The following IFFO1 variants were observed in gnomAD, a reference collection of about 807,000 sequenced individuals.
IFFO1 encodes intermediate filament family orphan 1.
Under a neutral mutation model 59.6 loss-of-function variants are expected in IFFO1, and 42 were observed. That is an observed-to-expected ratio of 0.70 (90% confidence interval 0.55 to 0.91). IFFO1 has a LOEUF of 0.91. Ranked by LOEUF, IFFO1 falls within the 40% of genes least tolerant of loss-of-function variation. The pLI is 0.00. For missense variants in IFFO1, 711 were observed against 793.2 expected (o/e 0.90, Z 1.24); for synonymous variants, 336 against 342.8 (o/e 0.98, Z 0.22).
At position 6,548,799 on chromosome 12, in the gene IFFO1, C is replaced by T; in HGVS notation, c.1131G>A (p.Arg377=). The change falls in exon 6 of 10, where the codon CGG becomes CGA. Residue 377 remains arginine, a synonymous_variant. Transcript: ENST00000619571. This position sits in a 1 kb window ranked among gnomAD's most constrained non-coding sequence, Gnocchi z 6.1. ...CCTCCTCGACGGCAGCCTTGCGCTC[C>T]CGCTTCCGCCCCCCCATGGATGGGA... The part of the protein sequence containing the change: ...IKVPSMGGRK[R]ERKAAVEEDT... 6.2e-7 allele frequency: 1 copy of T among 1,613,612 alleles called. No homozygotes were observed. The highest frequency in any genetic ancestry group is 2.2e-5 in the East Asian group (1 of 44,866).
chr12:6,550,010 T>G, intron 3 of IFFO1, 114 bp from the exon 4 acceptor site: 1 of 1,180,990 alleles, frequency 8.5e-7, no homozygotes, highest in South Asian at 1.5e-5. Context: ...GCCTCTTCTG[T>G]GGAGTCTCCC....
intron 1 of IFFO1, among the ~76,000 whole-genome samples, chr12:6,553,263 A>T (rs1268624422): frequency 6.6e-6 from 1 of 152,234 alleles, no homozygotes; most frequent in African/African-American, 2.4e-5. Context: ...CGATGAGCTA[A>T]TCAGTCCCCA....
rs1404119366 is a variant in IFFO1 at position 6,548,482 on chromosome 12, C to A, written c.1326G>T (p.Leu442=). The part of the protein sequence containing the change: ...SLTWEETEET[L]LLWEDFSGYA... Reference sequence around the variant, plus strand: ...AGCCTGAGAAATCCTCCCAAAGCAGCAGGGTCTCCTCAGTCTCCTCCCAAG... The same window carrying A: ...AGCCTGAGAAATCCTCCCAAAGCAGAAGGGTCTCCTCAGTCTCCTCCCAAG... The change falls in exon 7 of 10, where the codon CTG becomes CTT. Residue 442 remains leucine, a synonymous_variant. Transcript: ENST00000619571. This position sits in a 1 kb window ranked among gnomAD's most constrained non-coding sequence, Gnocchi z 6.1. The A allele has an allele frequency of 6.2e-7, 1 of 1,613,926 alleles. No homozygotes were observed. The highest frequency in any genetic ancestry group is 1.7e-5 in the Admixed American group (1 of 59,984).
At chr12:6,545,726 C>G (rs1946930457) in intron 8 of IFFO1, among the ~76,000 whole-genome samples, 1 of 150,988 alleles carries the variant, frequency 6.6e-6, no homozygotes, top group Admixed American at 6.6e-5. Flanking sequence ...CTCACTCTAT[C>G]CAGACCAGGA....
rs76971321 is a variant in IFFO1, at chr12:6,548,179, C to A, written c.1384-19G>T. On this transcript the variant is annotated intron_variant, in intron 7 of 9. Transcript: ENST00000619571. The surrounding 1 kb of genome is among the most constrained non-coding windows in gnomAD (Gnocchi z 6.1). ...CCTGCTGCTGGAGTAGAAAGGGAAGCGGGGGAGGCCAGCCAAGGAGGGATG... is the reference window on the plus strand; with the variant it reads ...CCTGCTGCTGGAGTAGAAAGGGAAGAGGGGGAGGCCAGCCAAGGAGGGATG... 13 of 1,601,448 alleles carry A rather than the reference C, an allele frequency of 8.1e-6. No homozygotes were observed. The highest frequency in any genetic ancestry group is 1.7e-4 in the Middle Eastern group (1 of 6,056).
chr12:6,552,586 G>A (rs1429522615), intron 1 of IFFO1, among the ~76,000 whole-genome samples: 1 of 152,194 alleles, frequency 6.6e-6, no homozygotes, highest in East Asian at 1.9e-4. Context: ...TGCGCCGGGA[G>A]CCCACGAGTC....
intron 3 of IFFO1, 26 bp downstream of exon 3, chr12:6,550,669 C>T: frequency 1.9e-6 from 3 of 1,598,758 alleles, no homozygotes; most frequent in African/African-American, 1.3e-5. Flanking sequence ...CACTTCGACC[C>T]TCGGGAAGCC....
chr12:6,547,240 T>A (rs1947005396), intron 8 of IFFO1, among the ~76,000 whole-genome samples: 1 of 152,014 alleles, frequency 6.6e-6, no homozygotes, highest in Admixed American at 6.5e-5. Context: ...TGACACCCTG[T>A]TCTCTGTAAA....
Position 6,541,481 on chromosome 12 carries a change from G to T in IFFO1, c.1610+31C>A. On this transcript the variant is annotated intron_variant, in intron 9 of 9. Transcript: ENST00000619571. The surrounding 1 kb of genome is among the most constrained non-coding windows in gnomAD (Gnocchi z 4.8). ...ACCTTTCTCCCCGCTGTGTCCCCCTGGAAGGCCCCATGCCCAGGGGAGGCG... is the reference window on the plus strand; with the variant it reads ...ACCTTTCTCCCCGCTGTGTCCCCCTTGAAGGCCCCATGCCCAGGGGAGGCG... 6.2e-7 allele frequency: 1 copy of T among 1,611,072 alleles called. No individual in the cohort carries two copies.
In IFFO1 at chr12:6,555,206, G is replaced by C; in HGVS notation, c.773+51C>G. The C allele has an allele frequency of 6.3e-7, 1 of 1,581,564 alleles. No individual in the cohort carries two copies. Among genetic ancestry groups the C allele is most frequent in the Non-Finnish European group, 8.7e-7 (1 of 1,151,432 alleles). ...CGGAACCCACACCAACTCGCGGCCC[G>C]TTGTGAGTGGTATGACACAGAGAGA... On this transcript the variant is annotated intron_variant, in intron 1 of 9. Coordinates refer to ENST00000619571, the MANE Select transcript of IFFO1 (RefSeq NM_001193457.2). This position sits in a 1 kb window ranked among gnomAD's most constrained non-coding sequence, Gnocchi z 8.6.
At position 6,548,077 on chromosome 12, in the gene IFFO1, A is replaced by G. The variant is rs1300934846; in HGVS notation, c.1467T>C (p.Ile489=). The change falls in exon 8 of 10, where the codon ATT becomes ATC. Residue 489 remains isoleucine (I), a synonymous_variant. Transcript: ENST00000619571. The surrounding 1 kb of genome is among the most constrained non-coding windows in gnomAD (Gnocchi z 6.1). The stretch of plus-strand genomic sequence containing the variant: ...CTCCTGCCCTTACCTCTATCTGGTC[A>G]ATGGTCTCCTGATACTCCTTCTCCC... ...KTREKEYQET[I]DQIELELATA... 2.5e-6 allele frequency: 4 copies of G among 1,613,362 alleles called. No individual in the cohort carries two copies. The highest frequency in any genetic ancestry group is 1.3e-5 in the African/African-American group (1 of 74,886).
At chr12:6,552,425 T>C (rs1275084305) in intron 1 of IFFO1, among the ~76,000 whole-genome samples, 1 of 152,140 alleles carries the variant, frequency 6.6e-6, no homozygotes, top group Non-Finnish European at 1.5e-5. Context: ...CGTAGGTGCT[T>C]CTCCCCTCCT....
intron 1 of IFFO1, among the ~76,000 whole-genome samples, chr12:6,554,585 G>C (rs576991467): frequency 2.6e-5 from 4 of 152,264 alleles, no homozygotes; most frequent in Non-Finnish European, 5.9e-5. Flanking sequence ...TCAGTCCCCT[G>C]CTGGCTCTCC....
chr12:6,553,791 C>G (rs1947331219), intron 1 of IFFO1, among the ~76,000 whole-genome samples: 2 of 152,026 alleles, frequency 1.3e-5, no homozygotes, highest in African/African-American at 4.8e-5. Flanking sequence ...AGTCAAGGGT[C>G]TGTAGTCATG....
intron 8 of IFFO1, among the ~76,000 whole-genome samples, chr12:6,546,569 C>T (rs544739982): frequency 9.9e-5 from 15 of 152,270 alleles, no homozygotes; most frequent in Non-Finnish European, 1.3e-4. Context: ...CTGCAAGCTC[C>T]GCCTCCCGGG....
At position 6,540,349 on chromosome 12, in the gene IFFO1, G is replaced by C. The variant is rs1946641841; in HGVS notation, c.*134C>G. 1.3e-6 allele frequency: 1 copy of C among 744,650 alleles called. No individual in the cohort carries two copies. The highest frequency in any genetic ancestry group is 2.4e-6 in the Non-Finnish European group (1 of 423,210). 46.1% of individuals were successfully genotyped at this position (744,650 alleles called of 1,614,324 possible). ...GCCAAGACTGAGGGAGAAAGCCTGA[G>C]GGAGGAGCGCCCCAGTCCCCAGGGA... On this transcript the variant is annotated 3_prime_UTR_variant, in exon 10 of 10. Transcript: ENST00000619571.
chr12:6,555,307 G>C lies in IFFO1; in HGVS notation c.723C>G (p.Leu241=). 6.2e-6 allele frequency: 10 copies of C among 1,614,166 alleles called. No homozygotes were observed. Among genetic ancestry groups the C allele is most frequent in the Non-Finnish European group, 8.5e-6 (10 of 1,180,012 alleles). Residue 241 remains leucine, a synonymous_variant, in exon 1 of 10, where the codon CTC becomes CTG. Transcript: ENST00000619571. This position sits in a 1 kb window ranked among gnomAD's most constrained non-coding sequence, Gnocchi z 8.6. The stretch of plus-strand genomic sequence containing the variant: ...GCTTCACTTTGGCCAGCACGTTGTA[G>C]AGAGCGCGGATCTCGGGCGTGATGG... The part of the protein sequence containing the change: ...IDTITPEIRA[L]YNVLAKVKRE...
rs764915685 is a variant in IFFO1, at chr12:6,540,469, G to C, written c.*14C>G. The C allele has an allele frequency of 8.1e-6, 13 of 1,600,194 alleles. No individual in the cohort carries two copies. The highest frequency in any genetic ancestry group is 1.1e-5 in the Non-Finnish European group (13 of 1,167,496). On this transcript the variant is annotated 3_prime_UTR_variant, in exon 10 of 10. Coordinates refer to ENST00000619571, the MANE Select transcript of IFFO1 (RefSeq NM_001193457.2). ...CTGCTGCGAGGGCCTCGGGTGCAAG[G>C]GGGAGGCAGGTCTCTATCTCATGGA...
chr12:6,547,753 GAGAA>G (rs761480369), intron 8 of IFFO1, among the ~76,000 whole-genome samples: 2 of 150,342 alleles, frequency 1.3e-5, no homozygotes, highest in Non-Finnish European at 3.0e-5. Flanking sequence ...GAGAGAGAGA[GAGAA>G]AGGAAGGAAG....
Sources: allele counts gnomAD v4.1 joint callset (sites outside exome capture counted in the v4.1 genomes callset), GRCh38; gene constraint gnomAD v4.1.1; non-coding constraint Gnocchi (gnomAD v3.1); transcripts MANE v1.5; gene names NCBI Gene and HGNC (gene_info 2026-07-23, HGNC 2026-07-21).